Variants in LMLN observed in about 807,000 individuals in gnomAD.
LMLN encodes the protein leishmanolysin like peptidase.
Under a neutral mutation model 92.3 loss-of-function variants are expected in LMLN, and 70 were observed. The observed-to-expected ratio is 0.76, with a 90% CI of 0.63 to 0.92. The LOEUF (loss-of-function observed/expected upper bound fraction) is 0.92, where lower values mean the gene tolerates loss of function less well. Ranked by LOEUF, LMLN falls within the 40% of genes least tolerant of loss-of-function variation. The probability of loss-of-function intolerance (pLI) is 0.00; values close to 1 mark genes in which losing one functional copy is unlikely to be tolerated. For synonymous variants in LMLN, 308 were observed against 296.2 expected, an observed-to-expected ratio of 1.04 and a Z score of -0.41; for missense variants, 691 against 814.6, an observed-to-expected ratio of 0.85 and a Z score of 1.85.
chr3:198,017,154 G>A (rs1722662405), intron 11 of LMLN, among the ~76,000 whole-genome samples: 1 of 152,088 alleles, frequency 6.6e-6, no homozygotes, highest in Admixed American at 6.5e-5. Context: ...AAAACAGGTT[G>A]TGGTCAGGAT....
intron 14 of LMLN, among the ~76,000 whole-genome samples, chr3:198,026,312 C>CT (rs986462109): frequency 1.3e-4 from 19 of 151,046 alleles, no homozygotes; most frequent in Admixed American, 4.0e-4. Context: ...GTAAAATTAA[C>CT]TTTTTTTTTC....
intron 5 of LMLN, among the ~76,000 whole-genome samples, chr3:197,978,011 A>G (rs750213513): frequency 1.2e-4 from 18 of 152,112 alleles, no homozygotes; most frequent in Non-Finnish European, 1.9e-4. Context: ...ATCTGGATAC[A>G]TATAAAAATC....
intron 1 of LMLN, among the ~76,000 whole-genome samples, chr3:197,961,834 A>C (rs1720903519): frequency 6.6e-6 from 1 of 152,192 alleles, no homozygotes; most frequent in African/African-American, 2.4e-5. Flanking sequence ...TAAAGCCTGT[A>C]AGTTTTGTTT....
At chr3:197,986,606 T>C (rs1202388841) in intron 8 of LMLN, among the ~76,000 whole-genome samples, 1 of 152,356 alleles carries the variant, frequency 6.6e-6, no homozygotes, top group East Asian at 1.9e-4. Context: ...ATTGGAGTGA[T>C]TAATAAGGTA....
intron 6 of LMLN, among the ~76,000 whole-genome samples, chr3:197,982,082 A>G (rs765565223): frequency 6.6e-5 from 10 of 152,068 alleles, no homozygotes; most frequent in Non-Finnish European, 1.2e-4. Context: ...TTAGGATTAC[A>G]GGTGTGAGCC....
chr3:197,982,223 C>CG (rs1451052264), intron 6 of LMLN, among the ~76,000 whole-genome samples: 7 of 116,558 alleles, frequency 6.0e-5, no homozygotes, highest in African/African-American at 2.1e-4. Context: ...CAGTTACCTT[C>CG]TTTTTTTTTT....
intron 11 of LMLN, among the ~76,000 whole-genome samples, chr3:198,012,144 C>A (rs1395320075): frequency 6.6e-6 from 1 of 152,180 alleles, no homozygotes; most frequent in African/African-American, 2.4e-5. Flanking sequence ...CGGCTCACTG[C>A]AGCCTCTGGT....
chr3:198,038,517 T>C (rs746158605), intron 15 of LMLN, 50 bp from the exon 17 acceptor site: 1 of 1,290,208 alleles, frequency 7.8e-7, no homozygotes. Flanking sequence ...ATTGGTATGA[T>C]TTATCCCAAA....
intron 5 of LMLN, among the ~76,000 whole-genome samples, chr3:197,979,540 G>T (rs1226383614): frequency 1.3e-5 from 2 of 152,138 alleles, no homozygotes; most frequent in African/African-American, 4.8e-5. Context: ...TTTTTAGGCT[G>T]GGTGCAGTGG....
At chr3:198,017,109 C>G (rs994572021) in intron 11 of LMLN, among the ~76,000 whole-genome samples, 1 of 151,914 alleles carries the variant, frequency 6.6e-6, no homozygotes, top group Non-Finnish European at 1.5e-5. Context: ...GCAACGAAAC[C>G]CTGTCTCAAA....
chr3:197,980,949 T>G (rs974714939), intron 6 of LMLN, among the ~76,000 whole-genome samples: 3 of 151,050 alleles, frequency 2.0e-5, no homozygotes, highest in Admixed American at 1.3e-4. Context: ...TGACAAAAAA[T>G]AAAATTGGCC....
At chr3:197,972,290 C>T (rs1227855881) in intron 1 of LMLN, among the ~76,000 whole-genome samples, 2 of 152,094 alleles carry the variant, frequency 1.3e-5, no homozygotes, top group Non-Finnish European at 1.5e-5. Flanking sequence ...TCTGGAACTC[C>T]TGACCTCAAG....
chr3:197,998,418 GT>G (rs570287089), intron 10 of LMLN, among the ~76,000 whole-genome samples: 7 of 151,142 alleles, frequency 4.6e-5, no homozygotes, highest in East Asian at 1.9e-4. Flanking sequence ...GGGAAGTGTG[GT>G]TTTTTTTTCC....
At chr3:198,002,994 T>A (rs979781797) in intron 11 of LMLN, 21 bp from the exon 12 acceptor site, 2 of 1,440,292 alleles carry the variant, frequency 1.4e-6, no homozygotes, top group Non-Finnish European at 1.9e-6. Context: ...TAAAAATTGC[T>A]TTGTTTGAAT....
intron 1 of LMLN, among the ~76,000 whole-genome samples, chr3:197,964,140 G>T (rs1053762395): frequency 6.6e-6 from 1 of 151,956 alleles, no homozygotes; most frequent in African/African-American, 2.4e-5. Context: ...TGGTCATGTT[G>T]GCTTTGGTAA....
At chr3:197,991,280 T>A (rs548675618) in intron 9 of LMLN, among the ~76,000 whole-genome samples, 34 of 152,108 alleles carry the variant, frequency 2.2e-4, no homozygotes, top group African/African-American at 8.0e-4. Flanking sequence ...ATTTTGTTTA[T>A]TTTTTTGTAG....
chr3:198,002,979 A>G, intron 11 of LMLN, 36 bp from the exon 12 acceptor site: 1 of 1,168,696 alleles, frequency 8.6e-7, no homozygotes. Context: ...TTGAAAGGAC[A>G]GCAGTAAAAA....
rs151182504 is a variant in LMLN at position 197,975,320 on chromosome 3, C to T, written c.348+248C>T. On this transcript the variant is annotated intron_variant, in intron 3 of 15. Transcript: ENST00000330198. ...GTTTTCTCATTTTTCTGCTTGCTTT[C>T]TCAAGTTTTTGGGGAGCAAATCATG... Among the ~76,000 whole-genome samples, 282 of 152,090 alleles carry T rather than the reference C, an allele frequency of 1.9e-3. 3 individuals are homozygous for T. Among genetic ancestry groups the T allele is most frequent in the African/African-American group, 6.4e-3 (265 of 41,440 alleles).
At chr3:197,961,039 T>C (rs1720860109) in intron 1 of LMLN, among the ~76,000 whole-genome samples, 1 of 152,206 alleles carries the variant, frequency 6.6e-6, no homozygotes, top group East Asian at 1.9e-4. Flanking sequence ...TTTTTCTCTC[T>C]GCTTAAATTC....
Sources: allele counts gnomAD v4.1 joint callset (sites outside exome capture counted in the v4.1 genomes callset), GRCh38; gene constraint gnomAD v4.1.1; transcripts MANE v1.5; gene names NCBI Gene and HGNC (gene_info 2026-07-23, HGNC 2026-07-21).